The following TRMT2B variants were observed in gnomAD, a reference collection of about 807,000 sequenced individuals.
TRMT2B encodes tRNA (uracil-5-)-methyltransferase homolog B.
In TRMT2B, 34 loss-of-function variants were observed where a neutral mutation model predicts 39.7. The observed-to-expected ratio is 0.86, with a 90% CI of 0.65 to 1.14. TRMT2B has a LOEUF of 1.14. Among genes scored for constraint, TRMT2B ranks in the 50% most tolerant of loss-of-function variants. TRMT2B has a pLI of 0.00. For synonymous variants in TRMT2B, 132 were observed against 137.3 expected, an observed-to-expected ratio of 0.96 and a Z score of 0.27; for missense variants, 318 against 377.2, an observed-to-expected ratio of 0.84 and a Z score of 1.30.
At chrX:100,973,668 T>C in the TRMT2B span, 4 of 1,204,868 alleles carry the variant, frequency 3.3e-6, no homozygotes, top group Non-Finnish European at 4.5e-6. Flanking sequence ...CTTCTCTTAA[T>C]ATTTAAGAAC....
At chrX:101,021,419 A>G (rs921995213) in intron 9 of TRMT2B, 104 bp from the exon 10 acceptor site, 1 of 666,284 alleles carries the variant, frequency 1.5e-6, no homozygotes, top group Non-Finnish European at 2.3e-6. Context: ...ACCTAAGGTC[A>G]GGAGTTCGAG....
the TRMT2B span, among the ~76,000 whole-genome samples, chrX:101,002,462 A>T: frequency 0.45 from 50,080 of 110,887 alleles, 9,026 homozygotes; most frequent in African/African-American, 0.65. Context: ...ACCCTCTAGA[A>T]AGGGAAAAGC....
the TRMT2B span, among the ~76,000 whole-genome samples, chrX:100,983,369 T>G: frequency 9.0e-6 from 1 of 111,157 alleles, no homozygotes. Context: ...TTCACTTTTT[T>G]TTTTGAGACA....
intron 2 of TRMT2B, among the ~76,000 whole-genome samples, chrX:101,042,920 C>T (rs1040973220): frequency 3.6e-5 from 4 of 111,370 alleles, no homozygotes; most frequent in South Asian, 3.7e-4. Context: ...TCCACCTGAG[C>T]CATGCAAGTA....
the TRMT2B span, among the ~76,000 whole-genome samples, chrX:100,975,434 A>G: frequency 2.7e-5 from 3 of 111,349 alleles, no homozygotes; most frequent in African/African-American, 9.8e-5. Flanking sequence ...TGCACTTATT[A>G]CAACATCATC....
At chrX:101,044,984 C>A (rs1182234965) in intron 2 of TRMT2B, among the ~76,000 whole-genome samples, 1 of 103,885 alleles carries the variant, frequency 9.6e-6, no homozygotes, top group African/African-American at 3.5e-5. Flanking sequence ...GAGCCGAGAC[C>A]GTGCCATTGC....
downstream of TRMT2B, among the ~76,000 whole-genome samples, chrX:101,005,888 AAAAAAAAAAAAAAAAAG>A (rs1457270123): frequency 1.0e-4 from 4 of 39,148 alleles, no homozygotes; most frequent in Non-Finnish European, 2.0e-4. Context: ...CTCAAAAAAA[AAAAAAAAAAAAAAAAAG>A]AAAGAGAGAA....
At chrX:101,035,212 CG>C (rs1272409348) in intron 7 of TRMT2B, among the ~76,000 whole-genome samples, 4 of 111,011 alleles carry the variant, frequency 3.6e-5, no homozygotes, top group African/African-American at 1.3e-4. Flanking sequence ...AAGAAAAAAA[CG>C]TATCAGAGGC....
intron 2 of TRMT2B, among the ~76,000 whole-genome samples, chrX:101,047,810 G>C (rs1252884906): frequency 1.8e-5 from 2 of 109,437 alleles, no homozygotes; most frequent in Non-Finnish European, 3.8e-5. Flanking sequence ...CTGGGCGACA[G>C]AGCGAGACTC....
chrX:101,014,360 T>C (rs1300093411), intron 13 of TRMT2B, among the ~76,000 whole-genome samples: 1 of 110,415 alleles, frequency 9.1e-6, no homozygotes, highest in Non-Finnish European at 1.9e-5. Flanking sequence ...GTTTTAGAGA[T>C]GGGGTCTTAC....
chrX:101,021,632 GA>G (rs1283544040), intron 9 of TRMT2B, among the ~76,000 whole-genome samples: 20 of 98,934 alleles, frequency 2.0e-4, no homozygotes, highest in Middle Eastern at 5.2e-3. Context: ...CGGTCTCAAA[GA>G]AAAAAAAAAA....
the TRMT2B span, among the ~76,000 whole-genome samples, chrX:100,995,057 A>G: frequency 8.9e-6 from 1 of 112,203 alleles, no homozygotes; most frequent in Non-Finnish European, 1.9e-5. Context: ...TCTTCTCAGG[A>G]GAATCCTGCC....
chrX:101,046,002 C>A (rs1156982139), intron 2 of TRMT2B, among the ~76,000 whole-genome samples: 1 of 106,483 alleles, frequency 9.4e-6, no homozygotes, highest in Non-Finnish European at 1.9e-5. Context: ...AAAAATTAGC[C>A]GGGCATGGTG....
At chrX:101,051,130 A>T in intron 2 of TRMT2B, 121 bp downstream of exon 2, 1 of 258,897 alleles carries the variant, frequency 3.9e-6, no homozygotes, top group Non-Finnish European at 5.3e-6. Flanking sequence ...ACTGTTCTAT[A>T]CCTGCCTCAG....
At position 101,052,018 on chromosome X, in the gene TRMT2B, C is replaced by T. The variant is rs2089129625; in HGVS notation, c.-708G>A. The T allele has an allele frequency of 9.0e-6, 1 of 111,510 alleles. No individual in the cohort carries two copies. The highest frequency in any genetic ancestry group is 2.9e-4 in the East Asian group (1 of 3,490). 9.2% of individuals were successfully genotyped at this position (111,510 alleles called of 1,213,427 possible). A position where few individuals can be genotyped will look rare whatever the true frequency, so the allele number is the denominator to read the frequency against. On this transcript the variant is annotated 5_prime_UTR_variant, in exon 1 of 14. Transcript: ENST00000372936. The stretch of plus-strand genomic sequence containing the variant: ...GACTCCTCTCGGGGAGTACCCCTCC[C>T]TACTTTGCTGGGGGAACCTTCTATG...
chrX:100,995,168 C>T, the TRMT2B span, among the ~76,000 whole-genome samples: 1 of 111,255 alleles, frequency 9.0e-6, no homozygotes, highest in African/African-American at 3.3e-5. Flanking sequence ...ATTGGAAGAC[C>T]AAAACTTAAA....
At chrX:101,049,960 C>A (rs2088956929) in intron 2 of TRMT2B, among the ~76,000 whole-genome samples, 1 of 111,608 alleles carries the variant, frequency 9.0e-6, no homozygotes, top group African/African-American at 3.3e-5. Context: ...TAGAGCTGAT[C>A]CAGGAGAGGG....
At chrX:100,973,991 G>T in the TRMT2B span, 34 of 573,246 alleles carry the variant, frequency 5.9e-5, no homozygotes, top group Non-Finnish European at 8.2e-5. Context: ...TACTGCTTTG[G>T]CTGGGCCTTT....
chrX:101,016,279 A>C (rs2086506440), intron 13 of TRMT2B, among the ~76,000 whole-genome samples: 1 of 110,875 alleles, frequency 9.0e-6, no homozygotes. Context: ...CCAAGGCAAC[A>C]ACCTATCTAC....
Sources: allele counts gnomAD v4.1 joint callset (sites outside exome capture counted in the v4.1 genomes callset), GRCh38; gene constraint gnomAD v4.1.1; transcripts MANE v1.5; gene names NCBI Gene and HGNC (gene_info 2026-07-23, HGNC 2026-07-21).